The following ERC2 variants were observed in gnomAD, a reference collection of about 807,000 sequenced individuals.
The protein encoded by ERC2 is ELKS/RAB6-interacting/CAST family member 2.
A neutral mutation model predicts 114.8 loss-of-function variants in ERC2; 42 were observed. The ratio of observed to expected loss-of-function variants is 0.37; its 90% CI spans 0.29 to 0.47. The LOEUF is 0.47. Ranked by LOEUF, ERC2 falls within the 20% of genes least tolerant of loss-of-function variation. The pLI is 0.99. For synonymous variants in ERC2, 454 were observed against 425.5 expected (o/e 1.07, Z -0.82); for missense variants, 939 against 1,150.7 (o/e 0.82, Z 2.66).
intron 6 of ERC2, among the ~76,000 whole-genome samples, chr3:56,111,491 G>C (rs951396377): frequency 1.3e-5 from 2 of 151,984 alleles, no homozygotes; most frequent in African/African-American, 4.8e-5. Context: ...AAGTATCAAA[G>C]GGCAAAATCT....
At chr3:56,286,751 C>A (rs1314607597) in intron 3 of ERC2, among the ~76,000 whole-genome samples, 1 of 151,224 alleles carries the variant, frequency 6.6e-6, no homozygotes, top group Non-Finnish European at 1.5e-5. Flanking sequence ...AAAAAACATT[C>A]TTAGCTCCCA....
intron 17 of ERC2, among the ~76,000 whole-genome samples, chr3:55,521,808 G>A (rs2052962960): frequency 6.6e-6 from 1 of 152,206 alleles, no homozygotes; most frequent in Non-Finnish European, 1.5e-5. Flanking sequence ...CTTGGGCAAA[G>A]CACAAACAGT....
intron 17 of ERC2, among the ~76,000 whole-genome samples, chr3:55,547,317 C>T (rs1470618505): frequency 1.3e-5 from 2 of 152,216 alleles, no homozygotes; most frequent in Non-Finnish European, 2.9e-5. Flanking sequence ...CTCTGGGAGG[C>T]AGGGTAGGGC....
At chr3:56,214,852 G>GA (rs908445967) in intron 3 of ERC2, among the ~76,000 whole-genome samples, 2 of 152,094 alleles carry the variant, frequency 1.3e-5, no homozygotes, top group Admixed American at 6.6e-5. Context: ...CATTCTTAAA[G>GA]AAAGAATTTT....
rs867634134 is a variant in ERC2, at chr3:55,818,853, T to A, written c.2564+69536A>T. ...TAATGGATTCAGAGAAGGAATACGT[T>A]TAATATTTTCTAATGGAAAGCATTT... On this transcript the variant is annotated intron_variant, in intron 14 of 17. Coordinates refer to ENST00000288221, the MANE Select transcript of ERC2 (RefSeq NM_015576.3). 1.2e-4 allele frequency among the ~76,000 whole-genome samples: 19 copies of A among 152,360 alleles called. 1 individual carries two copies. Among genetic ancestry groups the A allele is most frequent in the Middle Eastern group, 3.4e-3 (1 of 294 alleles).
At chr3:55,772,280 C>G (rs1004499111) in intron 14 of ERC2, among the ~76,000 whole-genome samples, 15 of 152,196 alleles carry the variant, frequency 9.9e-5, no homozygotes, top group African/African-American at 3.6e-4. Context: ...GTAGCTGGGA[C>G]TGCAGGCATG....
At chr3:55,703,259 A>G (rs1480292356) in intron 15 of ERC2, among the ~76,000 whole-genome samples, 1 of 152,186 alleles carries the variant, frequency 6.6e-6, no homozygotes, top group African/African-American at 2.4e-5. Flanking sequence ...TGACATGCTT[A>G]GGCATCTCTT....
intron 13 of ERC2, among the ~76,000 whole-genome samples, chr3:55,915,996 A>T (rs1559865217): frequency 6.6e-6 from 1 of 152,190 alleles, no homozygotes; most frequent in Non-Finnish European, 1.5e-5. Flanking sequence ...TATTCATAGT[A>T]TTTGTAATAA....
intron 14 of ERC2, among the ~76,000 whole-genome samples, chr3:55,830,817 G>A (rs918078603): frequency 2.6e-4 from 39 of 151,970 alleles, no homozygotes; most frequent in African/African-American, 8.2e-4. Flanking sequence ...GATGCTATGT[G>A]CCTGTAGCCT....
chr3:55,662,719 C>A (rs567718374), intron 17 of ERC2, among the ~76,000 whole-genome samples: 22 of 152,124 alleles, frequency 1.4e-4, no homozygotes, highest in African/African-American at 5.1e-4. Context: ...TGAAAAATAC[C>A]ATGTTAGACA....
intron 3 of ERC2, among the ~76,000 whole-genome samples, chr3:56,295,589 T>C (rs2055375757): frequency 6.6e-6 from 1 of 152,276 alleles, no homozygotes; most frequent in Non-Finnish European, 1.5e-5. Flanking sequence ...GGCTTTACTT[T>C]CTGCAAATCT....
intron 15 of ERC2, among the ~76,000 whole-genome samples, chr3:55,713,131 T>TCTCTGTCACA (rs1553638935): frequency 7.2e-6 from 1 of 139,334 alleles, no homozygotes; most frequent in Non-Finnish European, 1.5e-5. Context: ...TCTCTCTGTC[T>TCTCTGTCACA]CACACACACA....
chr3:55,876,717 A>T (rs1187723857), intron 14 of ERC2, among the ~76,000 whole-genome samples: 4 of 152,192 alleles, frequency 2.6e-5, no homozygotes, highest in Non-Finnish European at 4.4e-5. Flanking sequence ...TTCTGGAGCT[A>T]GACAGGATTA....
chr3:55,553,570 G>C (rs186632843), intron 17 of ERC2, among the ~76,000 whole-genome samples: 3,843 of 152,040 alleles, frequency 0.025, 98 homozygotes, highest in African/African-American at 0.064. Context: ...CATGAGGTCA[G>C]GAGATCGAGA....
chr3:55,709,616 C>G (rs1303981605), intron 15 of ERC2, among the ~76,000 whole-genome samples: 1 of 152,194 alleles, frequency 6.6e-6, no homozygotes, highest in Non-Finnish European at 1.5e-5. Context: ...GGGCTTTGAC[C>G]TTCGCGCAGA....
intron 17 of ERC2, among the ~76,000 whole-genome samples, chr3:55,625,730 G>A (rs890115946): frequency 1.4e-4 from 21 of 152,064 alleles, no homozygotes; most frequent in East Asian, 1.2e-3. Flanking sequence ...CAGCCTGGGC[G>A]ACAGAGCGAG....
chr3:55,596,755 T>C (rs2058157930), intron 17 of ERC2, among the ~76,000 whole-genome samples: 1 of 152,142 alleles, frequency 6.6e-6, no homozygotes, highest in African/African-American at 2.4e-5. Context: ...AGATTATTAA[T>C]GAAAGATAAG....
At chr3:56,424,473 T>G (rs1255693672) in intron 2 of ERC2, among the ~76,000 whole-genome samples, 4 of 152,202 alleles carry the variant, frequency 2.6e-5, no homozygotes, top group Non-Finnish European at 5.9e-5. Flanking sequence ...GTGGTACACA[T>G]GGCTGATTCT....
intron 1 of ERC2, among the ~76,000 whole-genome samples, chr3:56,463,506 C>A (rs2063409592): frequency 6.6e-6 from 1 of 152,092 alleles, no homozygotes; most frequent in African/African-American, 2.4e-5. Context: ...CCATCTCAGA[C>A]AAAATTGGGG....
Sources: allele counts gnomAD v4.1 joint callset (sites outside exome capture counted in the v4.1 genomes callset), GRCh38; gene constraint gnomAD v4.1.1; transcripts MANE v1.5; gene names NCBI Gene and HGNC (gene_info 2026-07-23, HGNC 2026-07-21).